Variants in SULT2B1 observed in about 807,000 individuals in gnomAD.
SULT2B1 encodes sulfotransferase family 2B member 1.
SULT2B1 carries 16 observed loss-of-function variants against 33.2 expected under a neutral mutation model. That is an observed-to-expected ratio of 0.48 (90% CI 0.33 to 0.73). The LOEUF is 0.73. Among genes scored for constraint, SULT2B1 ranks in the 30% least tolerant of loss-of-function variants. The pLI is 0.02. For synonymous variants in SULT2B1, 186 were observed against 200.5 expected (o/e 0.93, Z 0.61); for missense variants, 500 against 506.0 (o/e 0.99, Z 0.11).
intron 1 of SULT2B1, among the ~76,000 whole-genome samples, chr19:48,569,863 G>C (rs150428452): frequency 0.018 from 2,663 of 151,780 alleles, 1 homozygote; most frequent in African/African-American, 0.056. Context: ...ATGGGGTTTC[G>C]CCATGTTGCC....
In SULT2B1 at chr19:48,592,720, A is replaced by T. The variant is rs762376892; in HGVS notation, c.551-2A>T. Reference sequence around the variant, plus strand: ...TCACCCCACTTGTCCCTCTGCCCACAGTGCAGTTTGGCTCCTGGTTCGACC... The same window carrying T: ...TCACCCCACTTGTCCCTCTGCCCACTGTGCAGTTTGGCTCCTGGTTCGACC... On this transcript the variant is annotated splice_acceptor_variant, in intron 4 of 6. Coordinates refer to ENST00000201586, the MANE Select transcript of SULT2B1 (RefSeq NM_177973.2). LOFTEE classifies it high-confidence loss of function. The T allele has an allele frequency of 2.9e-5, 46 of 1,589,748 alleles. No individual in the cohort carries two copies. Among genetic ancestry groups the T allele is most frequent in the Non-Finnish European group, 3.9e-5 (46 of 1,167,352 alleles).
intron 1 of SULT2B1, among the ~76,000 whole-genome samples, chr19:48,553,372 A>G (rs979066050): frequency 1.3e-5 from 2 of 152,172 alleles, no homozygotes; most frequent in African/African-American, 2.4e-5. Context: ...CAATGGCACG[A>G]TATCAGCTCA....
rs75015301 is a variant in SULT2B1 at position 48,592,651 on chromosome 19, C to T, written c.551-71C>T. 1,623 of 1,333,654 alleles carry T rather than the reference C, an allele frequency of 1.2e-3. 18 individuals carry two copies. In the African/African-American group the frequency reaches 0.02, roughly 16 times the overall value. The allele number at this position is 1,333,654 out of a possible 1,614,324, so 82.6% of individuals were successfully genotyped here. ...GGTTTGTGGGGCACAGCTAGTTAGA[C>T]CCATGAGCCCCAGTGGGGCTGGGGG... is the stretch of plus-strand genomic sequence containing the variant. On this transcript the variant is annotated intron_variant, in intron 4 of 6. Transcript: ENST00000201586.
At chr19:48,568,719 C>T (rs1308096114) in intron 1 of SULT2B1, among the ~76,000 whole-genome samples, 2 of 152,160 alleles carry the variant, frequency 1.3e-5, no homozygotes, top group African/African-American at 4.8e-5. Context: ...GCAATGCTCT[C>T]TCTCCAAAGG....
At chr19:48,589,830 T>C (rs1164820569) in intron 3 of SULT2B1, among the ~76,000 whole-genome samples, 5 of 152,176 alleles carry the variant, frequency 3.3e-5, no homozygotes, top group South Asian at 2.1e-4. Flanking sequence ...TGTAGTGGCA[T>C]ACACCTGTAG....
At chr19:48,598,142 C>T (rs1312604140) in intron 6 of SULT2B1, among the ~76,000 whole-genome samples, 3 of 152,142 alleles carry the variant, frequency 2.0e-5, no homozygotes, top group Non-Finnish European at 4.4e-5. Context: ...TTTATTCAGC[C>T]CACCCCAGGG....
At chr19:48,567,708 G>A (rs1387816912) in intron 1 of SULT2B1, among the ~76,000 whole-genome samples, 8 of 151,990 alleles carry the variant, frequency 5.3e-5, no homozygotes, top group Non-Finnish European at 5.9e-5. Context: ...GGTGGCTCAC[G>A]CCTGTAACCC....
At chr19:48,579,605 C>CTTTCTTTCTTT (rs71179013) in intron 2 of SULT2B1, among the ~76,000 whole-genome samples, 26,778 of 79,740 alleles carry the variant, frequency 0.34, 5,665 homozygotes, top group Non-Finnish European at 0.37. Flanking sequence ...TTCTTTCTTT[C>CTTTCTTTCTTT]TTTTTTTTTT....
chr19:48,554,115 G>A (rs1973062653), intron 1 of SULT2B1, among the ~76,000 whole-genome samples: 1 of 152,058 alleles, frequency 6.6e-6, no homozygotes, highest in Non-Finnish European at 1.5e-5. Context: ...TCCCCTGCAA[G>A]ACTCCTCCAG....
At chr19:48,575,787 A>G in intron 1 of SULT2B1, 154 bp from the exon 2 acceptor site, 4 of 1,370,638 alleles carry the variant, frequency 2.9e-6, no homozygotes, top group Non-Finnish European at 2.9e-6. Context: ...GACCAGCTTT[A>G]TAAAGTTTAT....
intron 1 of SULT2B1, 75 bp from the exon 2 acceptor site, chr19:48,575,866 G>A (rs369311536): frequency 3.4e-5 from 52 of 1,551,892 alleles, no homozygotes; most frequent in South Asian, 4.8e-5. Flanking sequence ...GCCAGGGTCC[G>A]AGTGTCGCCA....
At chr19:48,584,980 C>G (rs1383950491) in intron 2 of SULT2B1, among the ~76,000 whole-genome samples, 1 of 137,344 alleles carries the variant, frequency 7.3e-6, no homozygotes, top group Non-Finnish European at 1.5e-5. Context: ...ATCCAGGAGG[C>G]AGAGGTTTCA....
rs980940819 is a variant in SULT2B1 at position 48,592,716 on chromosome 19, C to T, written c.551-6C>T. ...GCCCTCACCCCACTTGTCCCTCTGC[C>T]CACAGTGCAGTTTGGCTCCTGGTTC... On this transcript the variant is annotated splice_region_variant and splice_polypyrimidine_tract_variant and intron_variant, in intron 4 of 6. Transcript: ENST00000201586. 3 of 1,586,234 alleles carry T rather than the reference C, an allele frequency of 1.9e-6. No homozygotes were observed. The highest frequency in any genetic ancestry group is 2.7e-5 in the African/African-American group (2 of 74,578).
chr19:48,593,476 T>A (rs1383700362), intron 5 of SULT2B1, among the ~76,000 whole-genome samples: 2 of 151,300 alleles, frequency 1.3e-5, no homozygotes, highest in Non-Finnish European at 3.0e-5. Flanking sequence ...GGCTTGAACC[T>A]GGGAGGTGGA....
intron 2 of SULT2B1, among the ~76,000 whole-genome samples, chr19:48,586,552 G>A (rs1019961842): frequency 6.6e-6 from 1 of 152,162 alleles, no homozygotes; most frequent in Non-Finnish European, 1.5e-5. Flanking sequence ...TCCTTGGCCA[G>A]ACCCAGTCTC....
intron 2 of SULT2B1, among the ~76,000 whole-genome samples, chr19:48,576,628 C>T (rs989373191): frequency 2.1e-5 from 3 of 144,004 alleles, no homozygotes; most frequent in Non-Finnish European, 4.5e-5. Context: ...CTGGTCACCA[C>T]CAAATTGTAT....
intron 1 of SULT2B1, among the ~76,000 whole-genome samples, chr19:48,558,380 C>A (rs1016857860): frequency 6.6e-6 from 1 of 152,150 alleles, no homozygotes; most frequent in African/African-American, 2.4e-5. Flanking sequence ...GCATTCCCTG[C>A]GTGCTGGGCT....
chr19:48,553,801 C>T (rs1020713338), intron 1 of SULT2B1, among the ~76,000 whole-genome samples: 3 of 152,202 alleles, frequency 2.0e-5, no homozygotes, highest in Admixed American at 2.0e-4. Context: ...ACCAGGCTGG[C>T]CCAGTTCTGC....
chr19:48,553,675 T>A (rs28759208), intron 1 of SULT2B1, among the ~76,000 whole-genome samples: 6,479 of 152,034 alleles, frequency 0.043, 409 homozygotes, highest in African/African-American at 0.14. Flanking sequence ...AGCTGGGGCA[T>A]GAAGAGGCCT....
Sources: gnomAD v4.1 joint callset for allele counts (sites outside exome capture counted in the v4.1 genomes callset) on GRCh38, gnomAD v4.1.1 for gene constraint, MANE v1.5 for transcripts, NCBI Gene and HGNC (gene_info 2026-07-23, HGNC 2026-07-21) for gene names.